The following CDH11 variants were observed in gnomAD, a reference collection of about 807,000 sequenced individuals.
CDH11 encodes the protein cadherin-11.
Under a neutral mutation model 67.8 loss-of-function variants are expected in CDH11, and 11 were observed. That is an observed-to-expected ratio of 0.16 (90% CI 0.10 to 0.27). CDH11 has a LOEUF of 0.27. Among genes scored for constraint, CDH11 ranks in the 10% least tolerant of loss-of-function variants. The pLI is 1.00. For missense variants in CDH11, 847 were observed against 1,031.2 expected (o/e 0.82, Z 2.45); for synonymous variants, 419 against 400.0 (o/e 1.05, Z -0.57).
chr16:65,122,511 G>A (rs1246554417), upstream of CDH11: 1 of 161,010 alleles, frequency 6.2e-6, no homozygotes, highest in African/African-American at 2.4e-5. Flanking sequence ...CTGGCGGGCC[G>A]GGATGGTGGT....
chr16:65,088,029 C>T (rs1325579754), intron 1 of CDH11, among the ~76,000 whole-genome samples: 1 of 152,032 alleles, frequency 6.6e-6, no homozygotes, highest in Non-Finnish European at 1.5e-5. Context: ...ATGTTGAAAC[C>T]TAGTACCCAA....
rs372338085 is a variant in CDH11, at chr16:64,982,131, G to A, written c.1170C>T (p.His390=). The stretch of plus-strand genomic sequence containing the variant: ...CAGCAGCTGCATTTTCTTGGACTTC[G>A]TGGATGTAACTTGGGGCCAAGAACA... ...PPMFLAPSYI[H]EVQENAAAGT... is the part of the protein sequence containing the mutation. The change falls in exon 8 of 13, where the codon CAC becomes CAT. Residue 390 remains histidine (H), a synonymous_variant. Transcript: ENST00000268603. 3.1e-6 allele frequency: 5 copies of A among 1,613,870 alleles called. No homozygotes were observed. The highest frequency in any genetic ancestry group is 1.6e-4 in the Middle Eastern group (1 of 6,084).
intron 1 of CDH11, among the ~76,000 whole-genome samples, chr16:65,100,240 A>T (rs1328411076): frequency 6.6e-6 from 1 of 152,074 alleles, no homozygotes; most frequent in East Asian, 1.9e-4. Flanking sequence ...GAAGTTTGGG[A>T]TGCAGCTTGA....
At chr16:65,005,548 T>C (rs1352575914) in intron 2 of CDH11, among the ~76,000 whole-genome samples, 1 of 152,114 alleles carries the variant, frequency 6.6e-6, no homozygotes, top group Non-Finnish European at 1.5e-5. Context: ...TCAGCATGCC[T>C]GGAGGTAGTA....
At chr16:65,098,887 C>A (rs1042340745) in intron 1 of CDH11, among the ~76,000 whole-genome samples, 1 of 151,978 alleles carries the variant, frequency 6.6e-6, no homozygotes, top group Non-Finnish European at 1.5e-5. Flanking sequence ...CTAAATTTTT[C>A]TAAATATCAG....
intron 1 of CDH11, among the ~76,000 whole-genome samples, chr16:65,084,722 A>G (rs1420167050): frequency 2.6e-5 from 4 of 152,174 alleles, no homozygotes; most frequent in Admixed American, 2.0e-4. Context: ...AGTGCTTTAC[A>G]TGTGTTTTTG....
chr16:65,021,569 C>CACATATATAT (rs4048808), intron 2 of CDH11, among the ~76,000 whole-genome samples: 3,701 of 138,784 alleles, frequency 0.027, 65 homozygotes, highest in Middle Eastern at 0.046. Context: ...CACACACACA[C>CACATATATAT]ATATATATAT....
chr16:65,004,462 TA>T (rs749022168), intron 3 of CDH11, among the ~76,000 whole-genome samples, 179 bp downstream of exon 3: 38 of 152,332 alleles, frequency 2.5e-4, no homozygotes, highest in African/African-American at 3.8e-4. Flanking sequence ...ATAAGTCTAT[TA>T]TTTTTTTTAA....
chr16:65,025,340 T>C (rs2073511311), intron 2 of CDH11, among the ~76,000 whole-genome samples: 1 of 152,156 alleles, frequency 6.6e-6, no homozygotes, highest in Admixed American at 6.5e-5. Context: ...GGTAGGTTTT[T>C]TTCCCCCTCT....
At chr16:65,027,926 T>A (rs924623036) in intron 2 of CDH11, among the ~76,000 whole-genome samples, 1 of 152,138 alleles carries the variant, frequency 6.6e-6, no homozygotes, top group Admixed American at 6.6e-5. Context: ...TTAACAAATA[T>A]ACACATAGAG....
At chr16:65,112,748 G>T (rs1188056349) in intron 1 of CDH11, among the ~76,000 whole-genome samples, 7 of 152,192 alleles carry the variant, frequency 4.6e-5, no homozygotes, top group African/African-American at 1.7e-4. Context: ...TGACTATAAA[G>T]TAGGACAGAG....
chr16:64,952,549 C>T (rs1450138350), intron 11 of CDH11, among the ~76,000 whole-genome samples: 2 of 152,138 alleles, frequency 1.3e-5, no homozygotes, highest in African/African-American at 4.8e-5. Context: ...TTTTCTCTAC[C>T]AGCCTCAACT....
At chr16:64,987,937 C>T in intron 7 of CDH11, 2 of 414,430 alleles carry the variant, frequency 4.8e-6, no homozygotes, top group Non-Finnish European at 8.6e-6. Context: ...AACTAGCAAT[C>T]TCAGGCAGGT....
At chr16:65,090,406 C>T (rs539271222) in intron 1 of CDH11, among the ~76,000 whole-genome samples, 31 of 152,100 alleles carry the variant, frequency 2.0e-4, no homozygotes, top group South Asian at 6.2e-4. Flanking sequence ...CTATCACCAC[C>T]ACCAACAGCA....
rs139648773 is a variant in CDH11, at chr16:65,011,193, C to T, written c.-172-6152G>A. Reference sequence around the variant, plus strand: ...GGCTTAGTGTCCTTATGTAACCCACCCAAGTACACCCTGAATCATTGACAA... The same window carrying T: ...GGCTTAGTGTCCTTATGTAACCCACTCAAGTACACCCTGAATCATTGACAA... On this transcript the variant is annotated intron_variant, in intron 2 of 12. Coordinates refer to ENST00000268603, the MANE Select transcript of CDH11 (RefSeq NM_001797.4). Among the ~76,000 whole-genome samples, 220 of 150,756 alleles carry T rather than the reference C, an allele frequency of 1.5e-3. 1 individual carries two copies. The highest frequency in any genetic ancestry group is 0.014 in the Middle Eastern group (4 of 290).
At chr16:65,038,988 A>G (rs1037574075) in intron 2 of CDH11, among the ~76,000 whole-genome samples, 1 of 152,184 alleles carries the variant, frequency 6.6e-6, no homozygotes, top group African/African-American at 2.4e-5. Context: ...TTCTTACAAC[A>G]TCTTAGGATC....
At position 64,961,438 on chromosome 16, in the gene CDH11, G is replaced by A. The variant is rs75029025; in HGVS notation, c.1642+10141C>T. ...TCAATTCTAATTGAGATGGCCCATT[G>A]TAAAGCTTGTAGCCCTGGGGTTCTG... is the stretch of plus-strand genomic sequence containing the variant. On this transcript the variant is annotated intron_variant, in intron 11 of 12. Transcript: ENST00000268603. Among the ~76,000 whole-genome samples, 591 of 152,208 alleles carry A rather than the reference G, an allele frequency of 3.9e-3. 4 individuals are homozygous for A. Among genetic ancestry groups the A allele is most frequent in the African/African-American group, 0.014 (571 of 41,536 alleles).
In CDH11 at chr16:64,945,978, C is replaced by G; in HGVS notation, c.*1625G>C. ...GTATTGCTACGTTTTGACCTTTGGC[C>G]CAACTGAACAGGTGAAATGCCCTTC... On this transcript the variant is annotated 3_prime_UTR_variant, in exon 13 of 13. Transcript: ENST00000268603. 3 of 1,058,618 alleles carry G rather than the reference C, an allele frequency of 2.8e-6. No homozygotes were observed. The highest frequency in any genetic ancestry group is 3.4e-6 in the Non-Finnish European group (3 of 875,178). 65.6% of individuals were successfully genotyped at this position (1,058,618 alleles called of 1,614,324 possible).
At chr16:65,007,803 C>G (rs1691778403) in intron 2 of CDH11, among the ~76,000 whole-genome samples, 1 of 152,168 alleles carries the variant, frequency 6.6e-6, no homozygotes, top group African/African-American at 2.4e-5. Flanking sequence ...CTGGAAACTT[C>G]TGAATGGATG....
Sources: allele counts gnomAD v4.1 joint callset (sites outside exome capture counted in the v4.1 genomes callset), GRCh38; gene constraint gnomAD v4.1.1; transcripts MANE v1.5; gene names NCBI Gene and HGNC (gene_info 2026-07-23, HGNC 2026-07-21).